The following ABCA13 variants were observed in gnomAD, a reference collection of about 807,000 sequenced individuals.
ABCA13 encodes ATP-binding cassette sub-family A member 13.
ABCA13 carries 476 observed loss-of-function variants against 478.7 expected under a neutral mutation model. The observed-to-expected ratio is 0.99, with a 90% CI of 0.92 to 1.07. The LOEUF (loss-of-function observed/expected upper bound fraction) is 1.07, where lower values mean the gene tolerates loss of function less well. Ranked by LOEUF, ABCA13 falls within the 50% of genes least tolerant of loss-of-function variation. The pLI is 0.00. For synonymous variants in ABCA13, 2,252 were observed against 2,158.9 expected (o/e 1.04, Z -1.20); for missense variants, 6,060 against 5,910.6 (o/e 1.03, Z -0.83).
intron 55 of ABCA13, among the ~76,000 whole-genome samples, chr7:48,540,062 A>G (rs1333777738): frequency 6.6e-6 from 1 of 152,160 alleles, no homozygotes; most frequent in Admixed American, 6.5e-5. Flanking sequence ...GAGTTGTGAT[A>G]CTACTTACTC....
intron 29 of ABCA13, among the ~76,000 whole-genome samples, chr7:48,350,305 G>T (rs573617251): frequency 3.9e-5 from 6 of 152,246 alleles, no homozygotes; most frequent in African/African-American, 1.4e-4. Context: ...CTCTGTGAGA[G>T]GGTCTTTCCT....
At chr7:48,597,053 G>A (rs1042886185) in intron 58 of ABCA13, among the ~76,000 whole-genome samples, 5 of 151,534 alleles carry the variant, frequency 3.3e-5, no homozygotes, top group East Asian at 2.0e-4. Context: ...CTGGGTTCAC[G>A]CCATTCTCCT....
At position 48,275,664 on chromosome 7, in the gene ABCA13, T is replaced by C. The variant is rs780665527; in HGVS notation, c.5998T>C (p.Ser2000Pro). The change falls in exon 17 of 62, where the codon TCA (serine) becomes CCA (proline). Residue 2000 changes from serine to proline, a missense_variant. Coordinates refer to ENST00000435803, the MANE Select transcript of ABCA13 (RefSeq NM_152701.5). ...GACATCTGTTCAAAATATTATTTCC[T>C]CAAATTTGGAAAGGACAGTACAATT... ...TETSVQNIIS[S>P]NLERTVQLIS... is the part of the protein sequence containing the mutation. The C allele has an allele frequency of 6.3e-7, 1 of 1,599,202 alleles. No homozygotes were observed. Among genetic ancestry groups the C allele is most frequent in the Non-Finnish European group, 8.5e-7 (1 of 1,171,930 alleles).
intron 38 of ABCA13, among the ~76,000 whole-genome samples, chr7:48,395,623 C>T (rs1427839786): frequency 6.6e-6 from 1 of 152,046 alleles, no homozygotes; most frequent in Admixed American, 6.5e-5. Flanking sequence ...CCTCCTCCTC[C>T]TCAGCCTACT....
chr7:48,374,816 C>T (rs981303114), intron 34 of ABCA13, among the ~76,000 whole-genome samples: 9 of 152,312 alleles, frequency 5.9e-5, no homozygotes, highest in African/African-American at 2.2e-4. Context: ...GGAACTGAGC[C>T]TTACAGCAGG....
chr7:48,640,800 G>A (rs1795051610), intron 59 of ABCA13, among the ~76,000 whole-genome samples: 1 of 152,128 alleles, frequency 6.6e-6, no homozygotes, highest in Non-Finnish European at 1.5e-5. Context: ...AATCTTCGAA[G>A]AGTGTCTAAA....
Position 48,580,279 on chromosome 7 carries a change from C to A in ABCA13, c.14410C>A (p.Pro4804Thr). ...GTAGVLIGYC[P>T]QQDALDELLT... ...GGCAGGCGTGCTCATTGGCTACTGT[C>A]CCCAGCAGGATGCCCTGGACGAGCT... Residue 4804 changes from proline (P) to threonine (T), a missense_variant, in exon 56 of 62, where the codon CCC (proline) becomes ACC (threonine). Around this residue, in one of 3 missense-constraint regions of ABCA13, gnomAD observed 1,627 missense variants for 1,571.0 expected, o/e 1.04. Transcript: ENST00000435803. 1 of 1,611,972 alleles carries A rather than the reference C, an allele frequency of 6.2e-7. No individual in the cohort carries two copies. The highest frequency in any genetic ancestry group is 8.5e-7 in the Non-Finnish European group (1 of 1,179,128).
chr7:48,627,510 CACTT>C (rs1232669971), intron 59 of ABCA13, among the ~76,000 whole-genome samples: 7 of 152,134 alleles, frequency 4.6e-5, no homozygotes, highest in African/African-American at 1.7e-4. Context: ...GACTCTTACT[CACTT>C]ACTACGTATG....
At chr7:48,238,939 G>C (rs537414685) in intron 8 of ABCA13, among the ~76,000 whole-genome samples, 1 of 152,248 alleles carries the variant, frequency 6.6e-6, no homozygotes, top group African/African-American at 2.4e-5. Context: ...AATTAAACTG[G>C]GCTGACCCAT....
At chr7:48,504,311 T>C (rs1213211910) in intron 48 of ABCA13, among the ~76,000 whole-genome samples, 1 of 152,126 alleles carries the variant, frequency 6.6e-6, no homozygotes, top group Non-Finnish European at 1.5e-5. Context: ...TTCTGGAAGT[T>C]CTCTAGGCTT....
At chr7:48,596,654 C>A (rs1454657579) in intron 58 of ABCA13, among the ~76,000 whole-genome samples, 1 of 151,840 alleles carries the variant, frequency 6.6e-6, no homozygotes, top group African/African-American at 2.4e-5. Flanking sequence ...AAAAATTAGC[C>A]AGGCGTGGTG....
chr7:48,192,234 A>T (rs556205230), intron 1 of ABCA13, among the ~76,000 whole-genome samples: 1 of 152,094 alleles, frequency 6.6e-6, no homozygotes, highest in Non-Finnish European at 1.5e-5. Context: ...GAAATGATTA[A>T]ATTCCATGTG....
At chr7:48,495,087 G>A (rs1830161721) in intron 48 of ABCA13, among the ~76,000 whole-genome samples, 1 of 152,210 alleles carries the variant, frequency 6.6e-6, no homozygotes, top group Non-Finnish European at 1.5e-5. Flanking sequence ...TAGATTGGAA[G>A]AGTTTGTCAT....
At chr7:48,389,769 C>T (rs919877648) in intron 37 of ABCA13, among the ~76,000 whole-genome samples, 1 of 152,170 alleles carries the variant, frequency 6.6e-6, no homozygotes, top group African/African-American at 2.4e-5. Context: ...ACAATGAATT[C>T]AAACATTCAC....
rs1481276257 is a variant in ABCA13, at chr7:48,367,827, G to A, written c.10722G>A (p.Leu3574=). 3.8e-6 allele frequency: 6 copies of A among 1,575,818 alleles called. No individual in the cohort carries two copies. The highest frequency in any genetic ancestry group is 1.2e-5 in the South Asian group (1 of 85,576). ...FLNNVGFFFP[L]IMMLTWMVSV... ...ACAACGTTGGTTTCTTTTTTCCACTGATAATGATGCTGACGTGGATGGTGT... is the reference window on the plus strand; with the variant it reads ...ACAACGTTGGTTTCTTTTTTCCACTAATAATGATGCTGACGTGGATGGTGT... Residue 3574 remains leucine (L), a synonymous_variant, in exon 32 of 62, where the codon CTG becomes CTA. Coordinates refer to ENST00000435803, the MANE Select transcript of ABCA13 (RefSeq NM_152701.5).
At chr7:48,192,451 G>A (rs1797230406) in intron 1 of ABCA13, among the ~76,000 whole-genome samples, 1 of 151,974 alleles carries the variant, frequency 6.6e-6, no homozygotes, top group East Asian at 1.9e-4. Context: ...GTGAATTATG[G>A]GATATTCCTT....
intron 46 of ABCA13, among the ~76,000 whole-genome samples, chr7:48,482,377 AT>A (rs1398285196): frequency 2.2e-5 from 3 of 139,266 alleles, no homozygotes; most frequent in African/African-American, 7.9e-5. Context: ...TATGACCACT[AT>A]TAAGAAATTT....
At chr7:48,396,188 C>T (rs745477415) in intron 38 of ABCA13, among the ~76,000 whole-genome samples, 1 of 152,210 alleles carries the variant, frequency 6.6e-6, no homozygotes, top group Non-Finnish European at 1.5e-5. Flanking sequence ...CCTTCAAGGA[C>T]CAGATCCCCT....
At chr7:48,294,099 T>C (rs999178338) in intron 20 of ABCA13, among the ~76,000 whole-genome samples, 4 of 152,106 alleles carry the variant, frequency 2.6e-5, no homozygotes, top group African/African-American at 9.7e-5. Context: ...TTCATATTTA[T>C]TTTTTAATAA....
Sources: gnomAD v4.1 joint callset for allele counts (sites outside exome capture counted in the v4.1 genomes callset) on GRCh38, gnomAD v4.1.1 for gene constraint, gnomAD v4.1.1 regional missense constraint, MANE v1.5 for transcripts, NCBI Gene and HGNC (gene_info 2026-07-23, HGNC 2026-07-21) for gene names.